The following MEGF6 variants were observed in gnomAD, a reference collection of about 807,000 sequenced individuals.
The protein encoded by MEGF6 is multiple epidermal growth factor-like domains protein 6.
In MEGF6, 184 loss-of-function variants were observed where a neutral mutation model predicts 207.1. The observed-to-expected ratio is 0.89, with a 90% CI of 0.79 to 1.00. MEGF6 has a LOEUF of 1.00. Among genes scored for constraint, MEGF6 ranks in the 50% least tolerant of loss-of-function variants. MEGF6 has a pLI of 0.00. For missense variants in MEGF6, 2,282 were observed against 2,202.9 expected, an observed-to-expected ratio of 1.04 and a Z score of -0.72; for synonymous variants, 1,038 against 910.0, an observed-to-expected ratio of 1.14 and a Z score of -2.53.
At chr1:3,523,510 G>A (rs1338198676) in intron 5 of MEGF6, among the ~76,000 whole-genome samples, 2 of 152,154 alleles carry the variant, frequency 1.3e-5, no homozygotes, top group Admixed American at 6.5e-5. Flanking sequence ...ACCCCGCAGA[G>A]GAAGCTGAGG....
chr1:3,590,124 G>C (rs1287924180), intron 3 of MEGF6, among the ~76,000 whole-genome samples: 1 of 152,220 alleles, frequency 6.6e-6, no homozygotes, highest in Non-Finnish European at 1.5e-5. Flanking sequence ...GCGGGGTACA[G>C]GGGGCTGCAG....
At chr1:3,595,194 C>T (rs1324218925) in intron 3 of MEGF6, 144 bp downstream of exon 3, 10 of 598,514 alleles carry the variant, frequency 1.7e-5, no homozygotes, top group East Asian at 5.8e-5. Context: ...CTTTGGCAAA[C>T]GGCGTTGCTG....
At chr1:3,515,888 G>A (rs949513936) in intron 5 of MEGF6, among the ~76,000 whole-genome samples, 29 of 152,352 alleles carry the variant, frequency 1.9e-4, no homozygotes, top group African/African-American at 7.0e-4. Context: ...GAAGCTGCAA[G>A]CGAGGGCTCA....
chr1:3,522,535 C>T (rs1018887864), intron 5 of MEGF6, among the ~76,000 whole-genome samples: 2 of 151,916 alleles, frequency 1.3e-5, no homozygotes, highest in African/African-American at 4.8e-5. Context: ...AGGACGGCCT[C>T]CTGGGAGGCA....
chr1:3,622,701 C>T, the MEGF6 span, among the ~76,000 whole-genome samples: 181 of 152,312 alleles, frequency 1.2e-3, 1 homozygote, highest in African/African-American at 4.2e-3. Context: ...CGTCAACCCT[C>T]AGGGCTGCAG....
chr1:3,570,701 C>T (rs1643470076), intron 4 of MEGF6, among the ~76,000 whole-genome samples: 1 of 152,236 alleles, frequency 6.6e-6, no homozygotes, highest in Admixed American at 6.5e-5. Context: ...TAGGAGGCTG[C>T]CCCTGCCCTG....
intron 5 of MEGF6, among the ~76,000 whole-genome samples, chr1:3,522,596 G>C (rs1641795178): frequency 6.6e-6 from 1 of 151,958 alleles, no homozygotes; most frequent in Non-Finnish European, 1.5e-5. Context: ...GTGAGTGATG[G>C]GTGGGTGGGC....
chr1:3,510,236 C>G (rs1477968363), intron 10 of MEGF6, among the ~76,000 whole-genome samples: 3 of 152,184 alleles, frequency 2.0e-5, no homozygotes, highest in Non-Finnish European at 4.4e-5. Flanking sequence ...AGGGGCCGGC[C>G]AGGCAGCAGC....
chr1:3,619,078 G>A, the MEGF6 span, among the ~76,000 whole-genome samples: 4 of 152,248 alleles, frequency 2.6e-5, no homozygotes, highest in African/African-American at 9.6e-5. Context: ...CTTCCCAGCG[G>A]AGATTTCCAG....
At chr1:3,619,260 C>T in the MEGF6 span, among the ~76,000 whole-genome samples, 6 of 152,208 alleles carry the variant, frequency 3.9e-5, no homozygotes, top group Non-Finnish European at 7.3e-5. Flanking sequence ...GCTCCCCTCC[C>T]GGGACCTCAC....
intron 35 of MEGF6, among the ~76,000 whole-genome samples, chr1:3,491,495 G>T (rs1018322146): frequency 1.3e-5 from 2 of 152,052 alleles, no homozygotes; most frequent in Non-Finnish European, 2.9e-5. Flanking sequence ...CGAGATGGGG[G>T]CTCCCCTGTC....
intron 9 of MEGF6, 24 bp downstream of exon 9, chr1:3,511,526 C>T (rs1392099372): frequency 1.3e-6 from 2 of 1,589,596 alleles, no homozygotes; most frequent in Admixed American, 1.7e-5. Flanking sequence ...GGGGTGCAGG[C>T]ATCTGGGAGG....
intron 3 of MEGF6, among the ~76,000 whole-genome samples, chr1:3,591,673 C>T (rs960023171): frequency 6.7e-6 from 1 of 148,862 alleles, no homozygotes; most frequent in South Asian, 2.2e-4. Flanking sequence ...CTGATGGGGG[C>T]GCCAGCGAGG....
chr1:3,491,278 A>G (rs1055880104), intron 35 of MEGF6, among the ~76,000 whole-genome samples: 2 of 151,906 alleles, frequency 1.3e-5, no homozygotes, highest in African/African-American at 4.8e-5. Context: ...CCAGCAACAC[A>G]CTGCCCATGG....
rs1427901429 is a variant in MEGF6 at position 3,501,866 on chromosome 1, C to T, written c.2244G>A (p.Gly748=). 4 of 1,608,296 alleles carry T rather than the reference C, an allele frequency of 2.5e-6. No individual in the cohort carries two copies. The highest frequency in any genetic ancestry group is 1.3e-5 in the African/African-American group (1 of 74,470). The change falls in exon 18 of 37, where the codon GGG becomes GGA. Residue 748 remains glycine, a synonymous_variant. Transcript: ENST00000356575. ...GCCCCGTGACCCCGTGGCAGGGGGC[C>T]CCCCCACAGGAGCAGGAGCTCGAGC... The part of the protein sequence containing the change: ...VNCSSSCSCG[G]APCHGVTGQC...
intron 9 of MEGF6, 77 bp from the exon 10 acceptor site, chr1:3,510,979 T>A: frequency 6.5e-7 from 1 of 1,533,936 alleles, no homozygotes. Flanking sequence ...CACAACTGCA[T>A]ACGACCACAC....
chr1:3,540,486 T>C (rs568960365), intron 4 of MEGF6, among the ~76,000 whole-genome samples: 2 of 152,340 alleles, frequency 1.3e-5, no homozygotes, highest in African/African-American at 4.8e-5. Context: ...CCAGGGCCCA[T>C]GGGCGAGGGA....
chr1:3,567,408 C>T (rs989468128), intron 4 of MEGF6, among the ~76,000 whole-genome samples: 4 of 152,244 alleles, frequency 2.6e-5, no homozygotes, highest in Admixed American at 2.0e-4. Flanking sequence ...TCCCCAAAGC[C>T]GGGCTGTCAG....
intron 4 of MEGF6, among the ~76,000 whole-genome samples, chr1:3,562,944 C>T (rs183549665): frequency 3.1e-3 from 475 of 152,254 alleles, no homozygotes; most frequent in Middle Eastern, 0.01. Flanking sequence ...GGTGGGCTGT[C>T]CTCAGGCGCC....
Sources: allele counts gnomAD v4.1 joint callset (sites outside exome capture counted in the v4.1 genomes callset), GRCh38; gene constraint gnomAD v4.1.1; transcripts MANE v1.5; gene names NCBI Gene and HGNC (gene_info 2026-07-23, HGNC 2026-07-21).